MCTP1: variants seen among roughly 807,000 people sequenced by gnomAD.
MCTP1 encodes multiple C2 and transmembrane domain containing 1.
In MCTP1, 69 loss-of-function variants were observed where a neutral mutation model predicts 120.6. That is an observed-to-expected ratio of 0.57 (90% confidence interval 0.47 to 0.70). The LOEUF (loss-of-function observed/expected upper bound fraction) is 0.70, where lower values mean the gene tolerates loss of function less well. Ranked by LOEUF, MCTP1 falls within the 30% of genes least tolerant of loss-of-function variation. The pLI, the probability that MCTP1 is intolerant of heterozygous loss-of-function variation, is 0.00. For missense variants in MCTP1, 1,203 were observed against 1,248.8 expected (o/e 0.96, Z 0.55); for synonymous variants, 529 against 493.1 (o/e 1.07, Z -0.96).
chr5:95,276,624 G>A (rs1759860224), intron 1 of MCTP1, among the ~76,000 whole-genome samples: 1 of 151,242 alleles, frequency 6.6e-6, no homozygotes, highest in Non-Finnish European at 1.5e-5. Context: ...CTTAGATAAT[G>A]GGCTTGGGAT....
chr5:95,002,822 T>G (rs2217060), intron 2 of MCTP1, among the ~76,000 whole-genome samples: 24,148 of 152,114 alleles, frequency 0.16, 2,141 homozygotes, highest in East Asian at 0.32. Context: ...GGAATGATTA[T>G]ATTTTGAAAT....
intron 2 of MCTP1, among the ~76,000 whole-genome samples, chr5:94,999,637 T>G (rs748540885): frequency 2.6e-5 from 4 of 152,172 alleles, no homozygotes; most frequent in Non-Finnish European, 4.4e-5. Context: ...TCAGCATAAT[T>G]AAACAAAGAA....
intron 1 of MCTP1, among the ~76,000 whole-genome samples, chr5:95,052,396 A>G (rs542046539): frequency 6.6e-6 from 1 of 152,322 alleles, no homozygotes; most frequent in African/African-American, 2.4e-5. Flanking sequence ...TATGCTTATT[A>G]TACTGAGAGT....
intron 19 of MCTP1, among the ~76,000 whole-genome samples, chr5:94,761,117 G>A (rs373541168): frequency 5.3e-5 from 8 of 152,306 alleles, no homozygotes; most frequent in East Asian, 1.9e-4. Context: ...AAACTGTTAC[G>A]TTTTAAGAAG....
chr5:94,868,545 G>T, intron 16 of MCTP1, 93 bp from the exon 17 acceptor site: 1 of 897,416 alleles, frequency 1.1e-6, no homozygotes, highest in South Asian at 3.3e-5. Context: ...GACTTAAAAA[G>T]GATTCAGAAA....
chr5:95,198,038 G>A (rs1211997811), intron 1 of MCTP1, among the ~76,000 whole-genome samples: 1 of 152,128 alleles, frequency 6.6e-6, no homozygotes, highest in African/African-American at 2.4e-5. Context: ...GGTTTTTTAA[G>A]AGTATTTTTG....
At chr5:95,272,484 T>TATCCAAGTC (rs1358835596) in intron 1 of MCTP1, among the ~76,000 whole-genome samples, 1 of 152,234 alleles carries the variant, frequency 6.6e-6, no homozygotes, top group Non-Finnish European at 1.5e-5. Context: ...TATACAAAGT[T>TATCCAAGTC]ATCCAAGTCA....
chr5:95,260,349 C>T (rs1317295612), intron 1 of MCTP1, among the ~76,000 whole-genome samples: 2 of 152,102 alleles, frequency 1.3e-5, no homozygotes, highest in African/African-American at 4.8e-5. Context: ...AAAAAATAGA[C>T]AATTGCAAAA....
At chr5:94,927,151 A>G (rs1813344326) in intron 6 of MCTP1, among the ~76,000 whole-genome samples, 1 of 152,218 alleles carries the variant, frequency 6.6e-6, no homozygotes, top group Non-Finnish European at 1.5e-5. Flanking sequence ...TTATGGCTCC[A>G]TGTATTTTGT....
intron 19 of MCTP1, among the ~76,000 whole-genome samples, chr5:94,763,636 T>C (rs1455586387): frequency 1.8e-4 from 28 of 152,176 alleles, no homozygotes; most frequent in Admixed American, 1.8e-3. Context: ...CAATGACTCC[T>C]GGAAGGCTCA....
chr5:94,750,116 CT>C (rs1388916975), intron 19 of MCTP1, among the ~76,000 whole-genome samples: 2 of 152,254 alleles, frequency 1.3e-5, no homozygotes, highest in Non-Finnish European at 2.9e-5. Flanking sequence ...CCCTTGTTCC[CT>C]TTCCCTAGAT....
chr5:95,200,831 G>A (rs1311007844), intron 1 of MCTP1, among the ~76,000 whole-genome samples: 1 of 152,140 alleles, frequency 6.6e-6, no homozygotes, highest in South Asian at 2.1e-4. Context: ...CGTATGTGAG[G>A]TAATGCATAT....
rs374559268 is a variant in MCTP1 at position 94,871,268 on chromosome 5, G to A, written c.2139+47C>T. On this transcript the variant is annotated intron_variant, in intron 14 of 22. Transcript: ENST00000515393. ...TTTTCTTTTCTTTTTTTTTTTTTCC[G>A]TGAGCAAAAGCAACACAGAACAGTG... The A allele has an allele frequency of 1.6e-4, 172 of 1,084,870 alleles. 1 individual carries two copies. The highest frequency in any genetic ancestry group is 2.0e-4 in the Non-Finnish European group (148 of 723,162). 67.2% of individuals were successfully genotyped at this position (1,084,870 alleles called of 1,614,324 possible).
At chr5:94,910,195 T>TATATGTATATATACATATATGTGTATAC (rs1808142546) in intron 9 of MCTP1, among the ~76,000 whole-genome samples, 1 of 151,474 alleles carries the variant, frequency 6.6e-6, no homozygotes. Flanking sequence ...TGTGCATACA[T>TATATGTATATATACATATATGTGTATAC]ATATGTATAT....
chr5:94,985,347 C>A (rs1304758081), intron 2 of MCTP1, among the ~76,000 whole-genome samples: 1 of 152,144 alleles, frequency 6.6e-6, no homozygotes, highest in African/African-American at 2.4e-5. Flanking sequence ...TTTGAAGCCC[C>A]AGTCATTCGT....
intron 12 of MCTP1, among the ~76,000 whole-genome samples, chr5:94,880,450 T>C (rs955520500): frequency 6.6e-6 from 1 of 152,146 alleles, no homozygotes; most frequent in African/African-American, 2.4e-5. Flanking sequence ...CTCTATTAGG[T>C]GATTAAACAT....
intron 1 of MCTP1, among the ~76,000 whole-genome samples, chr5:95,239,183 C>T (rs1439896003): frequency 2.6e-5 from 4 of 152,140 alleles, no homozygotes; most frequent in Non-Finnish European, 5.9e-5. Flanking sequence ...TGTTATGATG[C>T]ACATCTAAGC....
intron 1 of MCTP1, among the ~76,000 whole-genome samples, chr5:95,149,687 C>T (rs975829560): frequency 2.0e-5 from 3 of 152,176 alleles, no homozygotes; most frequent in Non-Finnish European, 4.4e-5. Context: ...TGACTGTGGC[C>T]TCCACTGGGG....
intron 1 of MCTP1, among the ~76,000 whole-genome samples, chr5:95,100,226 A>T (rs1485963289): frequency 6.6e-6 from 1 of 152,138 alleles, no homozygotes. Flanking sequence ...ATACATATGT[A>T]ACTAACCTGC....
Sources: gnomAD v4.1 joint callset for allele counts (sites outside exome capture counted in the v4.1 genomes callset) on GRCh38, gnomAD v4.1.1 for gene constraint, MANE v1.5 for transcripts, NCBI Gene and HGNC (gene_info 2026-07-23, HGNC 2026-07-21) for gene names.